Variants in PPP3CA observed in about 807,000 individuals in gnomAD.
PPP3CA encodes protein phosphatase 3 catalytic subunit alpha.
Under a neutral mutation model 66.5 loss-of-function variants are expected in PPP3CA, and 14 were observed. The ratio of observed to expected loss-of-function variants is 0.21; its 90% confidence interval spans 0.14 to 0.33. The LOEUF (loss-of-function observed/expected upper bound fraction) is 0.33. Among genes scored for constraint, PPP3CA ranks in the 10% least tolerant of loss-of-function variants. The probability of loss-of-function intolerance (pLI) is 1.00; values close to 1 mark genes in which losing one functional copy is unlikely to be tolerated. For synonymous variants in PPP3CA, 232 were observed against 226.2 expected, an observed-to-expected ratio of 1.03 and a Z score of -0.23; for missense variants, 317 against 639.5, an observed-to-expected ratio of 0.50 and a Z score of 5.44.
chr4:101,154,996 T>C (rs766960289), intron 2 of PPP3CA, among the ~76,000 whole-genome samples: 1 of 152,026 alleles, frequency 6.6e-6, no homozygotes, highest in African/African-American at 2.4e-5. Context: ...TTTGTATTTT[T>C]AGTAGAGACG....
chr4:101,049,589 T>C (rs1443744446), intron 10 of PPP3CA, among the ~76,000 whole-genome samples: 2 of 152,038 alleles, frequency 1.3e-5, no homozygotes, highest in Non-Finnish European at 2.9e-5. Context: ...AGGATATAAC[T>C]GTTTAATAGG....
intron 6 of PPP3CA, among the ~76,000 whole-genome samples, chr4:101,093,401 C>T (rs1161199242): frequency 6.9e-6 from 1 of 144,186 alleles, no homozygotes; most frequent in Admixed American, 6.8e-5. Context: ...AAGGTATGTA[C>T]ATTTGTTTTT....
At chr4:101,185,883 C>T (rs1476859253) in intron 2 of PPP3CA, among the ~76,000 whole-genome samples, 1 of 152,062 alleles carries the variant, frequency 6.6e-6, no homozygotes, top group Non-Finnish European at 1.5e-5. Context: ...CTTTCTATGT[C>T]TCAATCTTCT....
At chr4:101,166,527 A>T (rs1416625359) in intron 2 of PPP3CA, among the ~76,000 whole-genome samples, 1 of 152,192 alleles carries the variant, frequency 6.6e-6, no homozygotes, top group African/African-American at 2.4e-5. Context: ...AAAGAGAAAA[A>T]GAAAAGAAAA....
chr4:101,271,705 A>G (rs899067296), intron 1 of PPP3CA, among the ~76,000 whole-genome samples: 2 of 152,080 alleles, frequency 1.3e-5, no homozygotes, highest in Admixed American at 6.5e-5. Flanking sequence ...TCCTGTTGCT[A>G]CATGAGTCAG....
intron 2 of PPP3CA, among the ~76,000 whole-genome samples, chr4:101,187,420 T>C (rs1578533895): frequency 6.6e-6 from 1 of 152,160 alleles, no homozygotes; most frequent in Admixed American, 6.6e-5. Flanking sequence ...AATCTTCTCA[T>C]GTATTTTTAA....
intron 1 of PPP3CA, among the ~76,000 whole-genome samples, chr4:101,225,150 C>A (rs563811362): frequency 2.6e-5 from 4 of 151,954 alleles, no homozygotes; most frequent in Admixed American, 2.6e-4. Flanking sequence ...AATGGAACAT[C>A]TCCCAGCACA....
chr4:101,253,804 A>G (rs754902268), intron 1 of PPP3CA, among the ~76,000 whole-genome samples: 2 of 152,052 alleles, frequency 1.3e-5, no homozygotes, highest in Non-Finnish European at 2.9e-5. Context: ...AAATGTGTGG[A>G]TATATGAACG....
At chr4:101,233,198 T>C (rs766714106) in intron 1 of PPP3CA, among the ~76,000 whole-genome samples, 17 of 151,766 alleles carry the variant, frequency 1.1e-4, no homozygotes, top group Non-Finnish European at 2.4e-4. Flanking sequence ...AGACACATGA[T>C]TGGAAGAGTG....
chr4:101,211,700 TC>T (rs1173733869), intron 1 of PPP3CA, among the ~76,000 whole-genome samples: 2 of 152,150 alleles, frequency 1.3e-5, no homozygotes, highest in Non-Finnish European at 2.9e-5. Context: ...AATAAATACT[TC>T]CATCAAAGCT....
At chr4:101,198,008 A>G (rs1439250608) in intron 1 of PPP3CA, among the ~76,000 whole-genome samples, 3 of 152,236 alleles carry the variant, frequency 2.0e-5, no homozygotes, top group Non-Finnish European at 4.4e-5. Flanking sequence ...TTTCTCACAA[A>G]TACTCCTTTT....
At chr4:101,175,868 A>G (rs895367764) in intron 2 of PPP3CA, among the ~76,000 whole-genome samples, 1 of 152,192 alleles carries the variant, frequency 6.6e-6, no homozygotes, top group Non-Finnish European at 1.5e-5. Context: ...TAAGTTTAAG[A>G]AACTGAAAAC....
intron 1 of PPP3CA, among the ~76,000 whole-genome samples, chr4:101,258,044 CATAA>C (rs1261074960): frequency 6.6e-6 from 1 of 152,020 alleles, no homozygotes; most frequent in Non-Finnish European, 1.5e-5. Flanking sequence ...CAAATATATA[CATAA>C]ATGATTCTCA....
At chr4:101,035,300 C>T (rs370677213) in intron 11 of PPP3CA, among the ~76,000 whole-genome samples, 9 of 149,206 alleles carry the variant, frequency 6.0e-5, no homozygotes, top group African/African-American at 2.3e-4. Flanking sequence ...AAAACCCCCC[C>T]AAAAACATGG....
intron 1 of PPP3CA, among the ~76,000 whole-genome samples, chr4:101,255,723 T>G (rs1246481771): frequency 6.6e-6 from 1 of 151,924 alleles, no homozygotes; most frequent in Non-Finnish European, 1.5e-5. Context: ...GAAGATGTAT[T>G]TATTGCCTCT....
In PPP3CA at chr4:101,166,979, T is replaced by G. The variant is rs13103902; in HGVS notation, c.259+28937A>C. On this transcript the variant is annotated intron_variant, in intron 2 of 13. Coordinates refer to ENST00000394854, the MANE Select transcript of PPP3CA (RefSeq NM_000944.5). ...CCATTTTCTTAGTCTTTCTTGTCCCTCCTTTAATTATACGTGCAATTTAGC... is the reference window on the plus strand; with the variant it reads ...CCATTTTCTTAGTCTTTCTTGTCCCGCCTTTAATTATACGTGCAATTTAGC... 2.6e-5 allele frequency among the ~76,000 whole-genome samples: 4 copies of G among 152,072 alleles called. No individual in the cohort carries two copies. The South Asian group carries it at 8.3e-4, about 32-fold the overall frequency.
chr4:101,065,858 T>C (rs867784954), intron 8 of PPP3CA, among the ~76,000 whole-genome samples: 1 of 152,302 alleles, frequency 6.6e-6, no homozygotes, highest in South Asian at 2.1e-4. Context: ...ACAGAAGTTC[T>C]GTTTTGCAGT....
chr4:101,193,232 G>C (rs1724667740), intron 2 of PPP3CA, among the ~76,000 whole-genome samples: 1 of 152,182 alleles, frequency 6.6e-6, no homozygotes, highest in Non-Finnish European at 1.5e-5. Flanking sequence ...CCAGGTAAAT[G>C]TATAATAAAC....
chr4:101,327,523 A>C (rs1303375305), intron 1 of PPP3CA, among the ~76,000 whole-genome samples: 1 of 151,960 alleles, frequency 6.6e-6, no homozygotes, highest in Non-Finnish European at 1.5e-5. Flanking sequence ...CAAAAAATCC[A>C]AGCATGTTTC....
Sources: allele counts gnomAD v4.1 joint callset (sites outside exome capture counted in the v4.1 genomes callset), GRCh38; gene constraint gnomAD v4.1.1; transcripts MANE v1.5; gene names NCBI Gene and HGNC (gene_info 2026-07-23, HGNC 2026-07-21).